SKAP2: variants seen among roughly 807,000 people sequenced by gnomAD.
SKAP2 encodes the protein src kinase-associated phosphoprotein 2.
A neutral mutation model predicts 54.9 loss-of-function variants in SKAP2; 28 were observed. That is an observed-to-expected ratio of 0.51 (90% CI 0.38 to 0.70). SKAP2 has a LOEUF of 0.70. Ranked by LOEUF, SKAP2 falls within the 30% of genes least tolerant of loss-of-function variation. SKAP2 has a pLI of 0.00. For synonymous variants in SKAP2, 137 were observed against 134.3 expected (o/e 1.02, Z -0.14); for missense variants, 356 against 424.1 (o/e 0.84, Z 1.41).
At chr7:26,744,113 C>T (rs1033601813) in intron 4 of SKAP2, among the ~76,000 whole-genome samples, 1 of 151,684 alleles carries the variant, frequency 6.6e-6, no homozygotes, top group Non-Finnish European at 1.5e-5. Context: ...AAGGTATTAC[C>T]CACTCCTGGT....
At chr7:26,833,113 T>G (rs1437123292) in intron 4 of SKAP2, among the ~76,000 whole-genome samples, 1 of 151,934 alleles carries the variant, frequency 6.6e-6, no homozygotes, top group Non-Finnish European at 1.5e-5. Context: ...CAAAAAAGTA[T>G]GCAGAGGGTC....
chr7:26,725,593 T>A, intron 8 of SKAP2, 28 bp from the exon 9 acceptor site: 1 of 1,534,914 alleles, frequency 6.5e-7, no homozygotes, highest in South Asian at 1.2e-5. Context: ...TGAAGTAAAT[T>A]TTAAAAGAAT....
chr7:26,815,816 A>G (rs563035942), intron 4 of SKAP2, among the ~76,000 whole-genome samples: 6 of 152,310 alleles, frequency 3.9e-5, no homozygotes, highest in African/African-American at 1.4e-4. Context: ...ATGATAAAAC[A>G]GTATATAGTA....
chr7:26,709,023 T>C (rs540131565), intron 9 of SKAP2, among the ~76,000 whole-genome samples: 1 of 152,336 alleles, frequency 6.6e-6, no homozygotes, highest in South Asian at 2.1e-4. Flanking sequence ...TTTAAATTAA[T>C]GCTGAGCTCT....
intron 4 of SKAP2, among the ~76,000 whole-genome samples, chr7:26,810,646 ACAT>A (rs1183604227): frequency 2.6e-5 from 4 of 152,126 alleles, no homozygotes; most frequent in African/African-American, 4.8e-5. Flanking sequence ...ACATATCAAA[ACAT>A]CATGCTGTGT....
chr7:26,656,125 C>T, the SKAP2 span, among the ~76,000 whole-genome samples: 2 of 152,200 alleles, frequency 1.3e-5, no homozygotes, highest in Admixed American at 6.5e-5. Context: ...TGCCTTTGCT[C>T]AGTGTAAATG....
At chr7:26,740,757 G>A (rs1191590561) in intron 4 of SKAP2, among the ~76,000 whole-genome samples, 2 of 152,018 alleles carry the variant, frequency 1.3e-5, no homozygotes, top group South Asian at 2.1e-4. Context: ...AGGCCGAGGC[G>A]GGTGGATCAC....
intron 4 of SKAP2, among the ~76,000 whole-genome samples, chr7:26,755,987 A>G (rs556636113): frequency 6.6e-6 from 1 of 152,320 alleles, no homozygotes; most frequent in African/African-American, 2.4e-5. Context: ...TCACTGATAT[A>G]CCATTTGTGA....
intron 4 of SKAP2, among the ~76,000 whole-genome samples, chr7:26,840,137 A>G (rs531395139): frequency 7.0e-4 from 106 of 152,166 alleles, no homozygotes; most frequent in African/African-American, 2.5e-3. Context: ...AACCTAGGTT[A>G]TTCAGAAATT....
chr7:26,758,071 T>A lies in SKAP2; in HGVS notation c.308-18107A>T, dbSNP rs566438394. ...CCACTGCATCCAGCATGATACACTA[T>A]TTTTTAAAATTTAAGAAATATCTGG... is the stretch of plus-strand genomic sequence containing the variant. On this transcript the variant is annotated intron_variant, in intron 4 of 12. Transcript: ENST00000345317. 2.6e-5 allele frequency among the ~76,000 whole-genome samples: 4 copies of A among 152,370 alleles called. No homozygotes were observed. In the South Asian group the frequency reaches 8.3e-4, roughly 32 times the overall value.
chr7:26,683,936 C>G (rs1400072355), intron 11 of SKAP2, among the ~76,000 whole-genome samples: 1 of 152,150 alleles, frequency 6.6e-6, no homozygotes, highest in Non-Finnish European at 1.5e-5. Flanking sequence ...TTTCCTACAT[C>G]ATTTGTTTCT....
intron 4 of SKAP2, among the ~76,000 whole-genome samples, chr7:26,774,003 A>G (rs1783245037): frequency 6.6e-6 from 1 of 152,192 alleles, no homozygotes; most frequent in African/African-American, 2.4e-5. Flanking sequence ...ACTTTTTTAC[A>G]GGTAAAATCA....
intron 4 of SKAP2, among the ~76,000 whole-genome samples, chr7:26,744,747 C>T (rs886389139): frequency 6.6e-6 from 1 of 151,992 alleles, no homozygotes; most frequent in East Asian, 1.9e-4. Flanking sequence ...CATACACACA[C>T]ACACACAAAC....
intron 4 of SKAP2, among the ~76,000 whole-genome samples, chr7:26,805,214 A>G (rs908076608): frequency 1.3e-5 from 2 of 152,198 alleles, no homozygotes; most frequent in Non-Finnish European, 2.9e-5. Flanking sequence ...TTTTAATCAG[A>G]TTATGAAACA....
intron 2 of SKAP2, 26 bp downstream of exon 2, chr7:26,854,759 C>T: frequency 6.4e-7 from 1 of 1,559,380 alleles, no homozygotes; most frequent in Non-Finnish European, 8.7e-7. Flanking sequence ...TGTAAGAAAT[C>T]AGTAAACAAA....
At chr7:26,706,279 T>TTA (rs530597272) in intron 9 of SKAP2, among the ~76,000 whole-genome samples, 76 of 152,270 alleles carry the variant, frequency 5.0e-4, no homozygotes, top group Middle Eastern at 3.4e-3. Flanking sequence ...AAACAAAATT[T>TTA]TATAAGAGTC....
At chr7:26,700,105 G>A (rs1278265704) in intron 9 of SKAP2, among the ~76,000 whole-genome samples, 1 of 152,132 alleles carries the variant, frequency 6.6e-6, no homozygotes, top group African/African-American at 2.4e-5. Flanking sequence ...AAACAATGAT[G>A]AATAGGTTGG....
intron 11 of SKAP2, among the ~76,000 whole-genome samples, chr7:26,681,866 G>T (rs144985495): frequency 1.2e-3 from 184 of 152,164 alleles, no homozygotes; most frequent in African/African-American, 4.2e-3. Flanking sequence ...AGTTTTTCAT[G>T]ATTAATGCTA....
intron 1 of SKAP2, among the ~76,000 whole-genome samples, chr7:26,859,089 C>T (rs1785231960): frequency 6.6e-6 from 1 of 152,062 alleles, no homozygotes; most frequent in African/African-American, 2.4e-5. Flanking sequence ...TGCTTAGCCG[C>T]AGATCAATAA....
Sources: gnomAD v4.1 joint callset for allele counts (sites outside exome capture counted in the v4.1 genomes callset) on GRCh38, gnomAD v4.1.1 for gene constraint, MANE v1.5 for transcripts, NCBI Gene and HGNC (gene_info 2026-07-23, HGNC 2026-07-21) for gene names.